The following NRG3 variants were observed in gnomAD, a reference collection of about 807,000 sequenced individuals.
NRG3 encodes pro-neuregulin-3, membrane-bound isoform.
In NRG3, 31 loss-of-function variants were observed where a neutral mutation model predicts 66.9. The observed-to-expected ratio is 0.46, with a 90% CI of 0.35 to 0.63. The LOEUF (loss-of-function observed/expected upper bound fraction) is 0.63. NRG3 is among the 20% of genes least tolerant of loss of function. The probability of loss-of-function intolerance (pLI) is 0.00; values close to 1 mark genes in which losing one functional copy is unlikely to be tolerated. For synonymous variants in NRG3, 393 were observed against 359.4 expected (o/e 1.09, Z -1.06); for missense variants, 910 against 878.9 (o/e 1.04, Z -0.45).
chr10:82,572,739 T>C (rs1275133841), intron 2 of NRG3, among the ~76,000 whole-genome samples: 1 of 151,662 alleles, frequency 6.6e-6, no homozygotes, highest in Non-Finnish European at 1.5e-5. Flanking sequence ...AGGAGTTGCT[T>C]AAGAAATGTC....
intron 4 of NRG3, among the ~76,000 whole-genome samples, chr10:82,869,613 T>TTTATG (rs1395094342): frequency 1.4e-5 from 2 of 147,440 alleles, no homozygotes; most frequent in Non-Finnish European, 3.0e-5. Flanking sequence ...TTTATTTTAT[T>TTTATG]TTATTTTATT....
intron 2 of NRG3, among the ~76,000 whole-genome samples, chr10:82,642,420 T>C (rs2050647108): frequency 6.6e-6 from 1 of 152,112 alleles, no homozygotes; most frequent in South Asian, 2.1e-4. Flanking sequence ...TACAACTAAA[T>C]AGCATATACT....
At chr10:82,394,140 A>G (rs1041535124) in intron 2 of NRG3, among the ~76,000 whole-genome samples, 2 of 152,170 alleles carry the variant, frequency 1.3e-5, no homozygotes, top group African/African-American at 4.8e-5. Context: ...TGGCAGACAC[A>G]GAGCTAACAG....
chr10:82,615,480 C>G (rs12778342), intron 2 of NRG3, among the ~76,000 whole-genome samples: 9,701 of 151,974 alleles, frequency 0.064, 427 homozygotes, highest in Non-Finnish European at 0.096. Flanking sequence ...TTATTTTATA[C>G]TTTGAGGTAA....
chr10:82,107,050 C>T (rs2067111336), intron 1 of NRG3, among the ~76,000 whole-genome samples: 1 of 152,134 alleles, frequency 6.6e-6, no homozygotes, highest in Non-Finnish European at 1.5e-5. Context: ...CAAAGCCATA[C>T]AAAACATTAA....
intron 2 of NRG3, among the ~76,000 whole-genome samples, chr10:82,470,669 C>A (rs928281929): frequency 2.0e-5 from 3 of 152,218 alleles, no homozygotes; most frequent in African/African-American, 7.2e-5. Flanking sequence ...TGCTGTGTCT[C>A]AGTGACAAAC....
At chr10:82,256,667 T>C (rs1211299191) in intron 1 of NRG3, among the ~76,000 whole-genome samples, 1 of 152,198 alleles carries the variant, frequency 6.6e-6, no homozygotes, top group Admixed American at 6.5e-5. Context: ...TTCTGAAAAT[T>C]TTGAACTGGG....
At chr10:82,168,432 A>C (rs2133061154) in intron 1 of NRG3, among the ~76,000 whole-genome samples, 1 of 152,308 alleles carries the variant, frequency 6.6e-6, no homozygotes, top group Non-Finnish European at 1.5e-5. Context: ...TCTTCTACAG[A>C]TGTGAAATAC....
At chr10:81,947,469 A>T (rs1470651683) in intron 1 of NRG3, among the ~76,000 whole-genome samples, 1 of 152,154 alleles carries the variant, frequency 6.6e-6, no homozygotes, top group Non-Finnish European at 1.5e-5. Context: ...CAGAATTTTC[A>T]TGTATGGCTG....
intron 3 of NRG3, among the ~76,000 whole-genome samples, chr10:82,845,514 T>TA (rs1300221875): frequency 6.6e-6 from 1 of 151,266 alleles, no homozygotes; most frequent in Non-Finnish European, 1.5e-5. Context: ...ACAAGGGGAT[T>TA]AAAAACATGC....
intron 2 of NRG3, among the ~76,000 whole-genome samples, chr10:82,715,256 G>C (rs750813173): frequency 6.6e-6 from 1 of 152,078 alleles, no homozygotes; most frequent in Non-Finnish European, 1.5e-5. Context: ...CAATTAGCCA[G>C]CTGTGATGGC....
intron 2 of NRG3, among the ~76,000 whole-genome samples, chr10:82,586,922 T>TA (rs2046707339): frequency 6.6e-6 from 1 of 152,178 alleles, no homozygotes; most frequent in Non-Finnish European, 1.5e-5. Context: ...TTTTTCATGC[T>TA]AAAAAATCAT....
At chr10:82,569,540 G>C (rs1429479712) in intron 2 of NRG3, among the ~76,000 whole-genome samples, 1 of 151,710 alleles carries the variant, frequency 6.6e-6, no homozygotes, top group Non-Finnish European at 1.5e-5. Context: ...CTGGTTTTAA[G>C]TCTACAGTGG....
intron 1 of NRG3, among the ~76,000 whole-genome samples, chr10:82,059,937 A>G (rs1302541010): frequency 6.6e-6 from 1 of 152,170 alleles, no homozygotes; most frequent in Non-Finnish European, 1.5e-5. Context: ...AATCATGGGT[A>G]CTGGACACAG....
At chr10:82,272,147 G>T (rs2078628416) in intron 1 of NRG3, among the ~76,000 whole-genome samples, 1 of 152,002 alleles carries the variant, frequency 6.6e-6, no homozygotes, top group African/African-American at 2.4e-5. Flanking sequence ...TAGGGTTTGG[G>T]TAATCATTTT....
intron 3 of NRG3, among the ~76,000 whole-genome samples, chr10:82,797,444 A>T (rs901827230): frequency 1.3e-5 from 2 of 152,210 alleles, no homozygotes; most frequent in Admixed American, 6.5e-5. Context: ...CAGGTGGGTC[A>T]TGTCCAAAGT....
chr10:82,142,524 C>T (rs920742682), intron 1 of NRG3, among the ~76,000 whole-genome samples: 4 of 152,132 alleles, frequency 2.6e-5, no homozygotes, highest in Non-Finnish European at 5.9e-5. Context: ...TATCAGTTTA[C>T]ACGTTTCTAA....
At chr10:81,898,224 A>C (rs1377706861) in intron 1 of NRG3, among the ~76,000 whole-genome samples, 1 of 152,192 alleles carries the variant, frequency 6.6e-6, no homozygotes, top group Non-Finnish European at 1.5e-5. Flanking sequence ...GGGGGAAGCC[A>C]AGTGTTTGAG....
chr10:82,440,282 C>T (rs1222072160), intron 2 of NRG3, among the ~76,000 whole-genome samples: 1 of 150,408 alleles, frequency 6.6e-6, no homozygotes, highest in African/African-American at 2.4e-5. Flanking sequence ...TACATACTTA[C>T]ATCTCATTTA....
Sources: gnomAD v4.1 joint callset for allele counts (sites outside exome capture counted in the v4.1 genomes callset) on GRCh38, gnomAD v4.1.1 for gene constraint, MANE v1.5 for transcripts, NCBI Gene and HGNC (gene_info 2026-07-23, HGNC 2026-07-21) for gene names.